The following VAV2 variants were observed in gnomAD, a reference collection of about 807,000 sequenced individuals.
The protein encoded by VAV2 is vav guanine nucleotide exchange factor 2.
A neutral mutation model predicts 132.5 loss-of-function variants in VAV2; 67 were observed. The observed-to-expected ratio is 0.51, with a 90% confidence interval of 0.42 to 0.62. The LOEUF (loss-of-function observed/expected upper bound fraction) is 0.62, where lower values mean the gene tolerates loss of function less well. Among genes scored for constraint, VAV2 ranks in the 20% least tolerant of loss-of-function variants. The probability of loss-of-function intolerance (pLI) is 0.00; values close to 1 mark genes in which losing one functional copy is unlikely to be tolerated. For synonymous variants in VAV2, 492 were observed against 443.5 expected (o/e 1.11, Z -1.37); for missense variants, 938 against 1,153.6 (o/e 0.81, Z 2.71).
chr9:133,803,843 A>G (rs1302316746), intron 9 of VAV2, among the ~76,000 whole-genome samples: 1 of 152,084 alleles, frequency 6.6e-6, no homozygotes, highest in Non-Finnish European at 1.5e-5. Context: ...AGGACCCTCC[A>G]GCCCTTCCCT....
rs376289486 is a variant in VAV2, at chr9:133,818,188, A to C, written c.450-5972T>G. The stretch of plus-strand genomic sequence containing the variant: ...GACCATCCTGTCTAACATGATGAAA[A>C]CCCGTCTCTACTAAAAAAATACAAA... On this transcript the variant is annotated intron_variant, in intron 4 of 29. Coordinates refer to ENST00000371850, the MANE Select transcript of VAV2 (RefSeq NM_001134398.2). Among the ~76,000 whole-genome samples, 737 of 151,430 alleles carry C rather than the reference A, an allele frequency of 4.9e-3. 6 individuals carry two copies. Among genetic ancestry groups the C allele is most frequent in the African/African-American group, 0.015 (611 of 41,258 alleles).
chr9:133,901,525 G>A (rs939990271), intron 2 of VAV2, among the ~76,000 whole-genome samples: 4 of 152,242 alleles, frequency 2.6e-5, no homozygotes, highest in Non-Finnish European at 5.9e-5. Context: ...ATGAGGCCTA[G>A]AAGCTTCCGT....
rs1487969187 is a variant in VAV2 at position 133,883,097 on chromosome 9, C to T, written c.322-21665G>A. Among the ~76,000 whole-genome samples, 1 of 152,202 alleles carries T rather than the reference C, an allele frequency of 6.6e-6. No individual in the cohort carries two copies. The highest frequency in any genetic ancestry group is 1.5e-5 in the Non-Finnish European group (1 of 68,034). Reference sequence around the variant, plus strand: ...CTCCCCAGGCTCCATCCCTATGTCCCCACCCCCTGCTGCTCTCTCTGGATC... The same window carrying T: ...CTCCCCAGGCTCCATCCCTATGTCCTCACCCCCTGCTGCTCTCTCTGGATC... On this transcript the variant is annotated intron_variant, in intron 2 of 29. Transcript: ENST00000371850. The surrounding 1 kb of genome is among the most constrained non-coding windows in gnomAD (Gnocchi z 4.2).
intron 2 of VAV2, among the ~76,000 whole-genome samples, chr9:133,870,433 G>C (rs1837981835): frequency 6.6e-6 from 1 of 152,134 alleles, no homozygotes; most frequent in South Asian, 2.1e-4. Flanking sequence ...TCATTTAGAA[G>C]GAAAGAAAAA....
intron 2 of VAV2, among the ~76,000 whole-genome samples, chr9:133,917,971 C>T (rs1038971799): frequency 6.6e-6 from 1 of 151,796 alleles, no homozygotes; most frequent in Non-Finnish European, 1.5e-5. Flanking sequence ...TCGCCACTTC[C>T]ACGAGCACAA....
At chr9:133,951,553 T>A (rs1841560926) in intron 1 of VAV2, among the ~76,000 whole-genome samples, 1 of 152,130 alleles carries the variant, frequency 6.6e-6, no homozygotes. Flanking sequence ...GGCCCATATG[T>A]GGGAGCTGGG....
chr9:133,977,871 A>G (rs116274270), intron 1 of VAV2, among the ~76,000 whole-genome samples: 3,193 of 152,262 alleles, frequency 0.021, 117 homozygotes, highest in African/African-American at 0.073. Flanking sequence ...GTGGCTCAGT[A>G]CCTCAGGCCT....
At chr9:133,949,426 G>A (rs1051323496) in intron 1 of VAV2, among the ~76,000 whole-genome samples, 3 of 152,196 alleles carry the variant, frequency 2.0e-5, no homozygotes, top group Non-Finnish European at 2.9e-5. Context: ...CGTGGCACCC[G>A]CTAGGGCTCT....
intron 3 of VAV2, among the ~76,000 whole-genome samples, chr9:133,839,475 G>T (rs1455861462): frequency 6.7e-6 from 1 of 150,338 alleles, no homozygotes; most frequent in Non-Finnish European, 1.5e-5. Flanking sequence ...TTTTGAGACG[G>T]AGTCTCACAC....
In VAV2 at chr9:133,778,736, C is replaced by G. The variant is rs111610158; in HGVS notation, c.1890+26G>C. On this transcript the variant is annotated intron_variant, in intron 22 of 29. Transcript: ENST00000371850. ...GGGAGGAGCTGGAGCCGGGGACCCTCGACCCTCCCGGGCCCCAGGACCCAC... is the reference window on the plus strand; with the variant it reads ...GGGAGGAGCTGGAGCCGGGGACCCTGGACCCTCCCGGGCCCCAGGACCCAC... 3.1e-6 allele frequency: 5 copies of G among 1,609,786 alleles called. No homozygotes were observed. The East Asian group carries it at 1.1e-4, about 36-fold the overall frequency.
chr9:133,801,197 G>T (rs1312264556), intron 9 of VAV2, among the ~76,000 whole-genome samples: 7 of 152,200 alleles, frequency 4.6e-5, no homozygotes, highest in Non-Finnish European at 7.4e-5. Flanking sequence ...GGTTGGGGGT[G>T]GGGGGAATGG....
At chr9:133,957,499 C>T (rs541477780) in intron 1 of VAV2, among the ~76,000 whole-genome samples, 51 of 152,118 alleles carry the variant, frequency 3.4e-4, no homozygotes, top group African/African-American at 1.1e-3. Flanking sequence ...GGTGCCCCTT[C>T]GCTGACAGCA....
chr9:133,829,786 C>T (rs1023199515), intron 4 of VAV2, among the ~76,000 whole-genome samples: 3 of 152,214 alleles, frequency 2.0e-5, no homozygotes, highest in African/African-American at 7.2e-5. Flanking sequence ...GCCACTATGC[C>T]CAGCCTATAA....
At chr9:133,906,895 C>T (rs916824373) in intron 2 of VAV2, among the ~76,000 whole-genome samples, 1 of 152,184 alleles carries the variant, frequency 6.6e-6, no homozygotes, top group Non-Finnish European at 1.5e-5. Flanking sequence ...TGGGGACCCT[C>T]GCCCCGTCCC....
intron 1 of VAV2, among the ~76,000 whole-genome samples, chr9:133,948,782 G>A (rs1288013502): frequency 6.6e-6 from 1 of 152,240 alleles, no homozygotes; most frequent in African/African-American, 2.4e-5. Flanking sequence ...CGAAGCCCTT[G>A]ACGTTCCTCT....
intron 18 of VAV2, among the ~76,000 whole-genome samples, chr9:133,784,017 G>C (rs1834119557): frequency 1.3e-5 from 2 of 151,908 alleles, no homozygotes; most frequent in South Asian, 4.1e-4. Context: ...AGTAGCTGGG[G>C]CCACAGGAGC....
intron 1 of VAV2, among the ~76,000 whole-genome samples, chr9:133,990,946 C>T (rs549601370): frequency 2.0e-5 from 3 of 152,160 alleles, no homozygotes; most frequent in Non-Finnish European, 4.4e-5. Flanking sequence ...CCCCCCAACC[C>T]GGCAGAGAAA....
intron 3 of VAV2, among the ~76,000 whole-genome samples, chr9:133,841,037 T>C (rs1439974907): frequency 6.6e-6 from 1 of 152,066 alleles, no homozygotes; most frequent in African/African-American, 2.4e-5. Flanking sequence ...CAGCCAGATT[T>C]GGTTTTTAAG....
chr9:133,905,316 G>C (rs1426032673), intron 2 of VAV2, among the ~76,000 whole-genome samples: 1 of 150,772 alleles, frequency 6.6e-6, no homozygotes, highest in Non-Finnish European at 1.5e-5. Context: ...GGCACCTGTA[G>C]TCCCAGCTAC....
Sources: gnomAD v4.1 joint callset for allele counts (sites outside exome capture counted in the v4.1 genomes callset) on GRCh38, gnomAD v4.1.1 for gene constraint, Gnocchi (gnomAD v3.1) non-coding constraint, MANE v1.5 for transcripts, NCBI Gene and HGNC (gene_info 2026-07-23, HGNC 2026-07-21) for gene names.